ACP7: variants seen among roughly 807,000 people sequenced by gnomAD.
ACP7 encodes the protein acid phosphatase 7, tartrate resistant (putative), also known as acid phosphatase type 7.
ACP7 carries 58 observed loss-of-function variants against 60.6 expected under a neutral mutation model. The ratio of observed to expected loss-of-function variants is 0.96; its 90% CI spans 0.77 to 1.19. The LOEUF is 1.19. Among genes scored for constraint, ACP7 ranks in the 50% most tolerant of loss-of-function variants. ACP7 has a pLI of 0.00. For missense variants in ACP7, 574 were observed against 596.2 expected (o/e 0.96, Z 0.39); for synonymous variants, 237 against 232.6 (o/e 1.02, Z -0.17).
intron 11 of ACP7, among the ~76,000 whole-genome samples, chr19:39,102,791 C>CTCTT (rs149503010): frequency 8.2e-6 from 1 of 121,916 alleles, no homozygotes; most frequent in Non-Finnish European, 1.8e-5. Flanking sequence ...TTCTCTCTCT[C>CTCTT]TCTTTCTTTC....
intron 12 of ACP7, 91 bp downstream of exon 12, chr19:39,107,175 A>T: frequency 1.5e-6 from 2 of 1,335,200 alleles, no homozygotes; most frequent in East Asian, 2.8e-5. Flanking sequence ...GGCCGGGCGC[A>T]GTGGCTCATG....
rs1231733085 is a variant in ACP7, at chr19:39,098,599, G to C, written c.263G>C (p.Arg88Pro). The change falls in exon 3 of 13, where the codon CGG becomes CCG. Residue 88 changes from arginine to proline, a missense_variant. Physicochemically the swap from Arg to Pro is moderately radical, Grantham distance 103. Transcript: ENST00000331256. ...CCCTTTGTGGACGGGGGCATTCTCC[G>C]GCGGAAGCTCTACATACACCGAGTC... is the stretch of plus-strand genomic sequence containing the variant. ...FVPFVDGGIL[R>P]RKLYIHRVTL... is the part of the protein sequence containing the mutation. 1 of 1,613,618 alleles carries C rather than the reference G, an allele frequency of 6.2e-7. No individual in the cohort carries two copies. The highest frequency in any genetic ancestry group is 2.2e-5 in the East Asian group (1 of 44,864).
At chr19:39,090,790 CTTTT>C (rs35453957) in intron 2 of ACP7, among the ~76,000 whole-genome samples, 7 of 133,466 alleles carry the variant, frequency 5.2e-5, no homozygotes, top group African/African-American at 1.1e-4. Flanking sequence ...CTTCCCACTT[CTTTT>C]TTTTTTTTTT....
At chr19:39,100,492 G>C in intron 5 of ACP7, 88 bp from the exon 6 acceptor site, 2 of 1,601,542 alleles carry the variant, frequency 1.2e-6, no homozygotes, top group African/African-American at 2.7e-5. Context: ...CTGGAAGCTG[G>C]ACTCAGGGCC....
At chr19:39,109,890 A>G (rs549791989) in intron 12 of ACP7, among the ~76,000 whole-genome samples, 163 bp from the exon 13 acceptor site, 47 of 152,182 alleles carry the variant, frequency 3.1e-4, no homozygotes, top group African/African-American at 1.1e-3. Context: ...TACTCTTCCT[A>G]TCACTTTTCA....
intron 11 of ACP7, among the ~76,000 whole-genome samples, chr19:39,104,313 A>T (rs1189014951): frequency 6.6e-6 from 1 of 152,098 alleles, no homozygotes; most frequent in Non-Finnish European, 1.5e-5. Flanking sequence ...TTACTTAAAA[A>T]AAAAAGCACT....
chr19:39,093,137 C>A (rs1445053340), intron 2 of ACP7, among the ~76,000 whole-genome samples: 1 of 49,958 alleles, frequency 2.0e-5, no homozygotes, highest in Admixed American at 1.5e-4. Flanking sequence ...TCCTTCTTCC[C>A]TCACTCCTTT....
chr19:39,088,632 A>T (rs1423584260), intron 2 of ACP7, among the ~76,000 whole-genome samples: 1 of 152,206 alleles, frequency 6.6e-6, no homozygotes, highest in African/African-American at 2.4e-5. Context: ...ATTTGACAAG[A>T]GAGACTCACA....
Position 39,101,061 on chromosome 19 carries a change from G to T in ACP7, c.915+5G>T. ...TGCACACGACATGAAAGCAAGGTGA[G>T]GTCCCTCCCTGGGAGACAGTGGGGA... On this transcript the variant is annotated splice_donor_5th_base_variant and intron_variant, in intron 8 of 12. Coordinates refer to ENST00000331256, the MANE Select transcript of ACP7 (RefSeq NM_001004318.3). 1 of 1,614,012 alleles carries T rather than the reference G, an allele frequency of 6.2e-7. No homozygotes were observed. Among genetic ancestry groups the T allele is most frequent in the Non-Finnish European group, 8.5e-7 (1 of 1,180,024 alleles).
chr19:39,089,869 T>G (rs1461746275), intron 2 of ACP7, among the ~76,000 whole-genome samples: 1 of 152,238 alleles, frequency 6.6e-6, no homozygotes, highest in Non-Finnish European at 1.5e-5. Flanking sequence ...CTGTGACTTA[T>G]TGCTGTGACT....
At chr19:39,090,688 C>A (rs932678616) in intron 2 of ACP7, among the ~76,000 whole-genome samples, 5 of 151,712 alleles carry the variant, frequency 3.3e-5, no homozygotes, top group Non-Finnish European at 7.4e-5. Context: ...CACCATGTTG[C>A]CCAGGCTGGT....
intron 2 of ACP7, among the ~76,000 whole-genome samples, chr19:39,090,786 ACTT>A (rs1382722573): frequency 8.1e-6 from 1 of 122,794 alleles, no homozygotes; most frequent in Non-Finnish European, 1.7e-5. Flanking sequence ...CAGCCTTCCC[ACTT>A]CTTTTTTTTT....
In ACP7 at chr19:39,107,012, G is replaced by A; in HGVS notation, c.1179G>A (p.Lys393=). The A allele has an allele frequency of 6.2e-7, 1 of 1,614,138 alleles. No homozygotes were observed. Among genetic ancestry groups the A allele is most frequent in the Middle Eastern group, 1.7e-4 (1 of 6,060 alleles). ...FPRPWSAVRV[K]EYGYTRLHIL... is the part of the protein sequence containing the mutation. ...GGCCCTGGAGTGCCGTGCGTGTGAA[G>A]GAGTACGGGTATACGCGGCTGCACA... The change falls in exon 12 of 13, where the codon AAG becomes AAA. Residue 393 remains lysine, a synonymous_variant. Coordinates refer to ENST00000331256, the MANE Select transcript of ACP7 (RefSeq NM_001004318.3).
chr19:39,094,582 G>C (rs896772174), intron 2 of ACP7, among the ~76,000 whole-genome samples: 1 of 152,022 alleles, frequency 6.6e-6, no homozygotes, highest in Non-Finnish European at 1.5e-5. Flanking sequence ...CAGCACTTTG[G>C]GAGACCGAGG....
chr19:39,102,193 C>T (rs1342211727), intron 11 of ACP7, among the ~76,000 whole-genome samples: 1 of 151,144 alleles, frequency 6.6e-6, no homozygotes, highest in Non-Finnish European at 1.5e-5. Context: ...GTGGCTCATT[C>T]CTGTAATCCC....
At chr19:39,099,278 C>A in intron 4 of ACP7, 136 bp downstream of exon 4, 2 of 1,040,348 alleles carry the variant, frequency 1.9e-6, no homozygotes, top group Non-Finnish European at 2.5e-6. Flanking sequence ...GCCAGTGTGT[C>A]TCTGAAGGGA....
chr19:39,110,481 G>A lies in ACP7; in HGVS notation c.*363G>A, dbSNP rs149440658. On this transcript the variant is annotated 3_prime_UTR_variant, in exon 13 of 13. Coordinates refer to ENST00000331256, the MANE Select transcript of ACP7 (RefSeq NM_001004318.3). ...ATTCTGCACATCTGCGGGGGATGCC[G>A]CTGGGCTTCCTCCTCTCCTGCCCAC... 415 of 186,314 alleles carry A rather than the reference G, an allele frequency of 2.2e-3. 4 individuals carry two copies. Among genetic ancestry groups the A allele is most frequent in the African/African-American group, 9.4e-3 (402 of 42,668 alleles). 11.5% of individuals were successfully genotyped at this position (186,314 alleles called of 1,614,324 possible). A position where few individuals can be genotyped will look rare whatever the true frequency, so the allele number is the denominator to read the frequency against.
At chr19:39,093,328 C>T (rs2073231902) in intron 2 of ACP7, among the ~76,000 whole-genome samples, 1 of 151,332 alleles carries the variant, frequency 6.6e-6, no homozygotes, top group Non-Finnish European at 1.5e-5. Flanking sequence ...AATCTCAGCT[C>T]ACTGCAACCT....
chr19:39,088,731 GTTTGTTTGTTT>G (rs2073171499), intron 2 of ACP7, among the ~76,000 whole-genome samples: 2 of 21,172 alleles, frequency 9.4e-5, no homozygotes, highest in Admixed American at 3.7e-4. Context: ...TTGTGGGTTT[GTTTGTTTGTTT>G]GTTTGTTTGT....
Sources: gnomAD v4.1 joint callset for allele counts (sites outside exome capture counted in the v4.1 genomes callset) on GRCh38, gnomAD v4.1.1 for gene constraint, MANE v1.5 for transcripts, NCBI Gene and HGNC (gene_info 2026-07-23, HGNC 2026-07-21) for gene names.